Variants in SGPP2 observed in about 807,000 individuals in gnomAD.
SGPP2 encodes the protein sphingosine-1-phosphate phosphatase 2.
In SGPP2, 30 loss-of-function variants were observed where a neutral mutation model predicts 33.9. That is an observed-to-expected ratio of 0.89 (90% CI 0.66 to 1.20). SGPP2 has a LOEUF of 1.20. SGPP2 is among the 50% of genes most tolerant of loss of function. The probability of loss-of-function intolerance (pLI) is 0.00; values close to 1 mark genes in which losing one functional copy is unlikely to be tolerated. For synonymous variants in SGPP2, 233 were observed against 225.0 expected, an observed-to-expected ratio of 1.04 and a Z score of -0.32; for missense variants, 458 against 532.1, an observed-to-expected ratio of 0.86 and a Z score of 1.37.
chr2:222,435,970 G>A (rs1257686118), intron 1 of SGPP2, among the ~76,000 whole-genome samples: 2 of 152,168 alleles, frequency 1.3e-5, no homozygotes, highest in African/African-American at 4.8e-5. Context: ...TGCCTGGACT[G>A]GGCTGTTGTA....
chr2:222,479,290 T>C (rs981119756), intron 2 of SGPP2, among the ~76,000 whole-genome samples: 1 of 152,174 alleles, frequency 6.6e-6, no homozygotes, highest in African/African-American at 2.4e-5. Context: ...TTACAATGAT[T>C]TGCCCAAAGT....
chr2:222,532,656 C>T (rs544795426), intron 4 of SGPP2, among the ~76,000 whole-genome samples: 3 of 152,338 alleles, frequency 2.0e-5, no homozygotes, highest in South Asian at 2.1e-4. Context: ...AAGCTGAATC[C>T]GTTCTGGCTC....
At chr2:222,531,319 C>A (rs571487205) in intron 4 of SGPP2, among the ~76,000 whole-genome samples, 1 of 152,284 alleles carries the variant, frequency 6.6e-6, no homozygotes, top group South Asian at 2.1e-4. Flanking sequence ...GTGTGCCTGT[C>A]CACATACGAT....
At chr2:222,434,786 C>T (rs943264257) in intron 1 of SGPP2, among the ~76,000 whole-genome samples, 5 of 151,722 alleles carry the variant, frequency 3.3e-5, no homozygotes. Flanking sequence ...GGTAATGTGT[C>T]GGCAGCTAAA....
chr2:222,530,322 T>G (rs953124121), intron 4 of SGPP2, among the ~76,000 whole-genome samples: 1 of 152,230 alleles, frequency 6.6e-6, no homozygotes. Context: ...CATTGACTTC[T>G]GTCTAGCTGT....
chr2:222,433,439 G>A (rs543312713), intron 1 of SGPP2, among the ~76,000 whole-genome samples: 1 of 152,160 alleles, frequency 6.6e-6, no homozygotes, highest in Non-Finnish European at 1.5e-5. Context: ...CTGTAGTTGC[G>A]AATGGTGGCT....
chr2:222,478,112 A>C (rs1324681915), intron 2 of SGPP2, among the ~76,000 whole-genome samples: 2 of 148,192 alleles, frequency 1.3e-5, no homozygotes, highest in Admixed American at 6.7e-5. Flanking sequence ...TGAGAAGCGT[A>C]AGGTAGTGTG....
rs1689457996 is a variant in SGPP2 at position 222,558,478 on chromosome 2, G to C, written c.780G>C (p.Leu260=). Residue 260 remains leucine (L), a synonymous_variant, in exon 5 of 5, where the codon CTG becomes CTC. Transcript: ENST00000321276. The part of the protein sequence containing the change: ...PVCVIVVPFF[L]CYNYPVSDYY... ...GTGTCATAGTTGTGCCATTCTTCCTGTGTTACAATTACCCTGTTTCTGATT... is the reference window on the plus strand; with the variant it reads ...GTGTCATAGTTGTGCCATTCTTCCTCTGTTACAATTACCCTGTTTCTGATT... 1 of 1,614,028 alleles carries C rather than the reference G, an allele frequency of 6.2e-7. No homozygotes were observed. The highest frequency in any genetic ancestry group is 8.5e-7 in the Non-Finnish European group (1 of 1,180,034).
intron 1 of SGPP2, among the ~76,000 whole-genome samples, chr2:222,455,864 T>A (rs922021600): frequency 6.6e-6 from 1 of 152,206 alleles, no homozygotes; most frequent in African/African-American, 2.4e-5. Flanking sequence ...ATTGAACCAC[T>A]GTGCTCCAGC....
chr2:222,519,884 C>G (rs1400236953), intron 2 of SGPP2, among the ~76,000 whole-genome samples: 1 of 152,268 alleles, frequency 6.6e-6, no homozygotes, highest in Admixed American at 6.5e-5. Context: ...CATAGTGTAC[C>G]TGTACCACAT....
chr2:222,434,351 C>T (rs780894926), intron 1 of SGPP2, among the ~76,000 whole-genome samples: 10 of 152,238 alleles, frequency 6.6e-5, no homozygotes, highest in Middle Eastern at 3.4e-3. Context: ...TATCTCAGCA[C>T]GTAGGTGTGT....
intron 4 of SGPP2, among the ~76,000 whole-genome samples, chr2:222,543,228 T>C (rs1378747773): frequency 6.6e-6 from 1 of 152,232 alleles, no homozygotes; most frequent in Non-Finnish European, 1.5e-5. Flanking sequence ...ATAATCTACA[T>C]TGAATTGATC....
chr2:222,474,035 T>C (rs1038930000), intron 1 of SGPP2, among the ~76,000 whole-genome samples: 2 of 152,172 alleles, frequency 1.3e-5, no homozygotes, highest in Admixed American at 1.3e-4. Flanking sequence ...TGACTGATCA[T>C]TATGTGTTAT....
chr2:222,443,661 G>A (rs541994793), intron 1 of SGPP2, among the ~76,000 whole-genome samples: 3 of 151,924 alleles, frequency 2.0e-5, no homozygotes, highest in Middle Eastern at 6.8e-3. Context: ...CCACTTGTTT[G>A]TTTTTTTTAA....
At chr2:222,512,841 T>C (rs1246458718) in intron 2 of SGPP2, among the ~76,000 whole-genome samples, 1 of 152,240 alleles carries the variant, frequency 6.6e-6, no homozygotes, top group Non-Finnish European at 1.5e-5. Flanking sequence ...TATTCCATTG[T>C]CTACATGAAC....
At chr2:222,456,530 A>G (rs961232835) in intron 1 of SGPP2, among the ~76,000 whole-genome samples, 1 of 152,136 alleles carries the variant, frequency 6.6e-6, no homozygotes, top group Non-Finnish European at 1.5e-5. Context: ...CGTCTCTCCT[A>G]CCTCCCCGGT....
intron 2 of SGPP2, among the ~76,000 whole-genome samples, chr2:222,500,649 T>C (rs1698353810): frequency 1.3e-5 from 2 of 152,208 alleles, no homozygotes; most frequent in South Asian, 4.1e-4. Flanking sequence ...TTCCCCCAGA[T>C]TAGCAGATAC....
At chr2:222,507,728 C>A (rs1045957605) in intron 2 of SGPP2, among the ~76,000 whole-genome samples, 1 of 152,214 alleles carries the variant, frequency 6.6e-6, no homozygotes, top group Non-Finnish European at 1.5e-5. Context: ...CCTTGTGAAT[C>A]TACCATGCAG....
intron 1 of SGPP2, among the ~76,000 whole-genome samples, chr2:222,445,780 T>A (rs970363433): frequency 2.0e-5 from 3 of 152,326 alleles, no homozygotes; most frequent in Non-Finnish European, 4.4e-5. Context: ...AAGGCTTAGA[T>A]GTCCTCTCCT....
Sources: allele counts gnomAD v4.1 joint callset (sites outside exome capture counted in the v4.1 genomes callset), GRCh38; gene constraint gnomAD v4.1.1; transcripts MANE v1.5; gene names NCBI Gene and HGNC (gene_info 2026-07-23, HGNC 2026-07-21).